Variants in ARID4B observed in about 807,000 individuals in gnomAD.
The protein encoded by ARID4B is AT-rich interactive domain-containing protein 4B.
In ARID4B, 26 loss-of-function variants were observed where a neutral mutation model predicts 147.5. That is an observed-to-expected ratio of 0.18 (90% confidence interval 0.13 to 0.24). ARID4B has a LOEUF of 0.24. Ranked by LOEUF, ARID4B falls within the 10% of genes least tolerant of loss-of-function variation. The probability of loss-of-function intolerance (pLI) is 1.00; values close to 1 mark genes in which losing one functional copy is unlikely to be tolerated. For missense variants in ARID4B, 1,179 were observed against 1,511.5 expected, an observed-to-expected ratio of 0.78 and a Z score of 3.65; for synonymous variants, 512 against 507.9, an observed-to-expected ratio of 1.01 and a Z score of -0.11.
At chr1:235,264,656 A>T (rs2103125708) in intron 2 of ARID4B, among the ~76,000 whole-genome samples, 1 of 152,374 alleles carries the variant, frequency 6.6e-6, no homozygotes, top group South Asian at 2.1e-4. Context: ...TCAGCTAGGA[A>T]GTTATAATTA....
intron 20 of ARID4B, 65 bp from the exon 21 acceptor site, chr1:235,177,978 T>C: frequency 2.2e-6 from 2 of 923,386 alleles, no homozygotes. Flanking sequence ...ATAAATTAAT[T>C]CCACATTTTA....
chr1:235,312,233 C>T (rs1674098341), intron 2 of ARID4B, among the ~76,000 whole-genome samples: 1 of 152,108 alleles, frequency 6.6e-6, no homozygotes, highest in South Asian at 2.1e-4. Context: ...TTGCAGTTAG[C>T]CAAGATCGTG....
chr1:235,311,747 C>G (rs1342134316), intron 2 of ARID4B, among the ~76,000 whole-genome samples: 1 of 152,010 alleles, frequency 6.6e-6, no homozygotes, highest in Non-Finnish European at 1.5e-5. Flanking sequence ...GCACTCCAGC[C>G]TGGGCAACAG....
chr1:235,240,592 T>C, intron 7 of ARID4B, 141 bp from the exon 8 acceptor site: 1 of 761,572 alleles, frequency 1.3e-6, no homozygotes, highest in African/African-American at 1.8e-5. Context: ...AATCATTTTC[T>C]AAATTTCTAA....
chr1:235,234,930 G>A (rs1204401483), intron 8 of ARID4B, among the ~76,000 whole-genome samples: 1 of 152,214 alleles, frequency 6.6e-6, no homozygotes, highest in Non-Finnish European at 1.5e-5. Context: ...TGAAACCAAA[G>A]AATGTCATAA....
intron 19 of ARID4B, among the ~76,000 whole-genome samples, chr1:235,193,086 T>C (rs1665233048): frequency 2.8e-5 from 4 of 141,126 alleles, no homozygotes; most frequent in Admixed American, 7.2e-5. Flanking sequence ...AGAGCGAGAC[T>C]CCGTCTCAAA....
intron 2 of ARID4B, among the ~76,000 whole-genome samples, chr1:235,281,526 G>A (rs2103179978): frequency 6.6e-6 from 1 of 152,266 alleles, no homozygotes; most frequent in South Asian, 2.1e-4. Flanking sequence ...ACTCCAGCCT[G>A]GGCAACAGAG....
intron 20 of ARID4B, chr1:235,180,852 C>A (rs1054725814): frequency 6.5e-6 from 1 of 154,068 alleles, no homozygotes; most frequent in African/African-American, 2.4e-5. Flanking sequence ...TTTAAAGATA[C>A]CTGAATGAAG....
At chr1:235,319,822 T>C (rs901335164) in intron 2 of ARID4B, among the ~76,000 whole-genome samples, 5 of 151,980 alleles carry the variant, frequency 3.3e-5, no homozygotes, top group East Asian at 1.9e-4. Flanking sequence ...TGAAACCCCA[T>C]TGCTACTAAA....
chr1:235,272,993 G>A (rs146587799), intron 2 of ARID4B, among the ~76,000 whole-genome samples: 7 of 152,256 alleles, frequency 4.6e-5, no homozygotes, highest in African/African-American at 1.7e-4. Context: ...TCCACAAGTG[G>A]CAATTTTGTT....
Position 235,175,302 on chromosome 1 carries a change from G to A in ARID4B, c.3546C>T (p.Thr1182=). 6.2e-7 allele frequency: 1 copy of A among 1,613,988 alleles called. No individual in the cohort carries two copies. The highest frequency in any genetic ancestry group is 8.5e-7 in the Non-Finnish European group (1 of 1,179,972). The change falls in exon 22 of 24, where the codon ACC becomes ACT. Residue 1182 remains threonine, a synonymous_variant. Coordinates refer to ENST00000264183, the MANE Select transcript of ARID4B (RefSeq NM_016374.6). ...GAGACTGCGTCCTTGCGGGAGATTTGGTACTATGAGACTTCATTCCAGTGG... is the reference window on the plus strand; with the variant it reads ...GAGACTGCGTCCTTGCGGGAGATTTAGTACTATGAGACTTCATTCCAGTGG... ...SVSTGMKSHS[T]KSPARTQSPG...
intron 17 of ARID4B, among the ~76,000 whole-genome samples, chr1:235,204,124 C>A (rs1002599570): frequency 2.6e-5 from 4 of 152,114 alleles, no homozygotes; most frequent in African/African-American, 9.7e-5. Flanking sequence ...GATTTCAAGA[C>A]CAGCCTGGCC....
chr1:235,171,846 TG>T (rs1179505167), intron 23 of ARID4B, among the ~76,000 whole-genome samples: 1 of 152,126 alleles, frequency 6.6e-6, no homozygotes, highest in African/African-American at 2.4e-5. Context: ...TTCACTATGT[TG>T]GCCAAGCTGG....
intron 2 of ARID4B, among the ~76,000 whole-genome samples, chr1:235,293,329 T>C (rs1672464508): frequency 6.6e-6 from 1 of 152,210 alleles, no homozygotes; most frequent in South Asian, 2.1e-4. Flanking sequence ...AAAAATTTTA[T>C]ATAATGAAGT....
At position 235,255,687 on chromosome 1, in the gene ARID4B, G is replaced by C. The variant is rs1669939373; in HGVS notation, c.247C>G (p.Leu83Val). The C allele has an allele frequency of 1.9e-6, 3 of 1,611,130 alleles. No homozygotes were observed. Among genetic ancestry groups the C allele is most frequent in the East Asian group, 4.5e-5 (2 of 44,632 alleles). The part of the protein sequence containing the change: ...GAYQEAVINK[L>V]TDASWYTVVF... ...ACAGTGTACCAACTCGCATCTGTTA[G>C]TTTATTGATAACAGCTTCCTGATAT... The change falls in exon 5 of 24, where the codon CTA becomes GTA. Residue 83 changes from leucine (L) to valine (V), a missense_variant. This residue lies in a region of ARID4B where 56 missense variants were observed against 99.2 expected (regional missense o/e 0.56). Transcript: ENST00000264183.
chr1:235,267,971 C>A (rs1281679168), intron 2 of ARID4B, among the ~76,000 whole-genome samples: 1 of 152,002 alleles, frequency 6.6e-6, no homozygotes, highest in Non-Finnish European at 1.5e-5. Context: ...GGGGCCATTT[C>A]TTCTCTCCTT....
intron 2 of ARID4B, among the ~76,000 whole-genome samples, chr1:235,271,906 G>A (rs541949856): frequency 3.3e-5 from 5 of 150,294 alleles, no homozygotes; most frequent in South Asian, 4.2e-4. Context: ...CCGAGATCAC[G>A]CCACTGCACT....
chr1:235,182,677 G>T lies in ARID4B; in HGVS notation c.2242C>A (p.Leu748Ile). The change falls in exon 20 of 24, where the codon CTT (leucine) becomes ATT (isoleucine). Residue 748 changes from leucine (L) to isoleucine (I), a missense_variant. Transcript: ENST00000264183. ...IDHLTNNRND[L>I]ISKEEQNSSS... ...CTGTTCTGTTCCTCCTTTGAAATAA[G>T]ATCATTTCTGTTGTTGGTCAAATGA... The T allele has an allele frequency of 6.2e-7, 1 of 1,613,698 alleles. No individual in the cohort carries two copies. Among genetic ancestry groups the T allele is most frequent in the Non-Finnish European group, 8.5e-7 (1 of 1,179,988 alleles).
intron 19 of ARID4B, among the ~76,000 whole-genome samples, chr1:235,183,687 C>G (rs1664476269): frequency 6.6e-6 from 1 of 151,960 alleles, no homozygotes; most frequent in Non-Finnish European, 1.5e-5. Context: ...CAGGAGCAAG[C>G]TACTGCACCT....
Sources: allele counts gnomAD v4.1 joint callset (sites outside exome capture counted in the v4.1 genomes callset), GRCh38; gene constraint gnomAD v4.1.1; regional missense constraint gnomAD v4.1.1; transcripts MANE v1.5; gene names NCBI Gene and HGNC (gene_info 2026-07-23, HGNC 2026-07-21).